RERE: variants seen among roughly 807,000 people sequenced by gnomAD.
RERE encodes the protein arginine-glutamic acid dipeptide repeats protein.
In RERE, 40 loss-of-function variants were observed where a neutral mutation model predicts 146.1. The observed-to-expected ratio is 0.27, with a 90% CI of 0.21 to 0.36. The LOEUF (loss-of-function observed/expected upper bound fraction) is 0.36, where lower values mean the gene tolerates loss of function less well. Among genes scored for constraint, RERE ranks in the 10% least tolerant of loss-of-function variants. The probability of loss-of-function intolerance (pLI) is 1.00; values close to 1 mark genes in which losing one functional copy is unlikely to be tolerated. For synonymous variants in RERE, 1,003 were observed against 866.0 expected (o/e 1.16, Z -2.78); for missense variants, 1,933 against 2,138.7 (o/e 0.90, Z 1.90).
intron 2 of RERE, among the ~76,000 whole-genome samples, chr1:8,628,883 A>G (rs1208980168): frequency 1.3e-5 from 2 of 152,198 alleles, no homozygotes; most frequent in Admixed American, 6.5e-5. Flanking sequence ...TTTAGTCAGT[A>G]GGATCAATGA....
At chr1:8,470,419 G>C (rs372708362) in intron 10 of RERE, among the ~76,000 whole-genome samples, 2 of 151,586 alleles carry the variant, frequency 1.3e-5, no homozygotes, top group African/African-American at 4.9e-5. Flanking sequence ...CCACCACCAC[G>C]CCCGGCTAAT....
intron 12 of RERE, among the ~76,000 whole-genome samples, chr1:8,407,514 T>C (rs1236335383): frequency 1.3e-5 from 2 of 152,140 alleles, no homozygotes; most frequent in Non-Finnish European, 2.9e-5. Flanking sequence ...TTGTCCCAGA[T>C]GCAAGCACTT....
intron 1 of RERE, among the ~76,000 whole-genome samples, chr1:8,813,372 G>GT (rs1641849497): frequency 6.6e-6 from 1 of 152,086 alleles, no homozygotes; most frequent in South Asian, 2.1e-4. Flanking sequence ...AAAGAACTTG[G>GT]TATGTCCAAC....
At chr1:8,575,335 C>T (rs1379742197) in intron 4 of RERE, among the ~76,000 whole-genome samples, 3 of 150,632 alleles carry the variant, frequency 2.0e-5, no homozygotes, top group African/African-American at 7.3e-5. Context: ...AGTCACAGGG[C>T]ACCTTTCCAT....
intron 8 of RERE, among the ~76,000 whole-genome samples, chr1:8,500,668 C>T (rs573802188): frequency 1.6e-4 from 24 of 152,246 alleles, no homozygotes; most frequent in African/African-American, 5.8e-4. Flanking sequence ...TGCCTGGCCG[C>T]CCATCGTCTG....
chr1:8,545,840 C>T (rs1175106178), intron 6 of RERE, among the ~76,000 whole-genome samples: 1 of 150,980 alleles, frequency 6.6e-6, no homozygotes, highest in Non-Finnish European at 1.5e-5. Flanking sequence ...CGTGCCACCA[C>T]ACCCGGCTAA....
chr1:8,761,585 C>G (rs547147096), intron 1 of RERE, among the ~76,000 whole-genome samples: 1 of 152,262 alleles, frequency 6.6e-6, no homozygotes, highest in South Asian at 2.1e-4. Flanking sequence ...ACAACGTCTC[C>G]CATCTGTCAT....
Position 8,358,417 on chromosome 1 carries a change from G to A in RERE, c.4118C>T (p.Pro1373Leu), listed in dbSNP as rs1364710409. The change falls in exon 20 of 23, where the codon CCC becomes CTC. Residue 1373 changes from proline (P) to leucine (L), a missense_variant. This residue lies in a region of RERE where 1,255 missense variants were observed against 1,153.8 expected (regional missense o/e 1.09). Coordinates refer to ENST00000400908, the MANE Select transcript of RERE (RefSeq NM_001042681.2). ...PFASFHPGLNPLERERLALAG... is the reference protein window; with the variant it reads ...PFASFHPGLNLLERERLALAG... The stretch of plus-strand genomic sequence containing the variant: ...CAGGGCCAGTCTCTCCCTCTCCAAG[G>A]GGTTCAGGCCCGGGTGGAAAGAAGC... The A allele has an allele frequency of 4.4e-6, 7 of 1,601,770 alleles. No individual in the cohort carries two copies. The Admixed American group carries it at 5.0e-5, about 12-fold the overall frequency.
chr1:8,708,905 GTTTTTTT>G (rs35403792), intron 1 of RERE, among the ~76,000 whole-genome samples: 17 of 72,322 alleles, frequency 2.4e-4, no homozygotes, highest in East Asian at 1.9e-3. Context: ...AAACTCTGGA[GTTTTTTT>G]TTTTTTTTTT....
chr1:8,584,116 A>C (rs1020293823), intron 4 of RERE, among the ~76,000 whole-genome samples: 3 of 152,192 alleles, frequency 2.0e-5, no homozygotes, highest in Admixed American at 6.5e-5. Context: ...AATAATTTCA[A>C]AAATTAAGAC....
intron 1 of RERE, among the ~76,000 whole-genome samples, chr1:8,763,834 G>A (rs1333502445): frequency 6.6e-6 from 1 of 151,520 alleles, no homozygotes; most frequent in Non-Finnish European, 1.5e-5. Context: ...CCAACTACTC[G>A]GGAGGCCGAG....
intron 11 of RERE, among the ~76,000 whole-genome samples, chr1:8,433,303 G>A (rs1644120361): frequency 6.6e-6 from 1 of 152,184 alleles, no homozygotes; most frequent in African/African-American, 2.4e-5. Context: ...AGAGACAAGA[G>A]GAGGACTCAA....
chr1:8,479,355 T>A (rs1570307590), intron 10 of RERE, among the ~76,000 whole-genome samples: 2 of 152,124 alleles, frequency 1.3e-5, no homozygotes, highest in South Asian at 2.1e-4. Context: ...AGTAATATTT[T>A]ATATAATAGT....
chr1:8,735,170 C>A (rs2124493516), intron 1 of RERE, among the ~76,000 whole-genome samples: 1 of 152,262 alleles, frequency 6.6e-6, no homozygotes, highest in Admixed American at 6.5e-5. Flanking sequence ...AATAAGAATT[C>A]AAACCTTAGC....
At chr1:8,763,858 T>C (rs551457059) in intron 1 of RERE, among the ~76,000 whole-genome samples, 1 of 151,298 alleles carries the variant, frequency 6.6e-6, no homozygotes, top group African/African-American at 2.4e-5. Context: ...GGAGAATCAC[T>C]TGAACCCAGA....
intron 11 of RERE, among the ~76,000 whole-genome samples, chr1:8,458,916 C>T (rs1469218645): frequency 1.3e-5 from 2 of 152,218 alleles, no homozygotes; most frequent in South Asian, 2.1e-4. Context: ...TAATAAAATG[C>T]TTGTCCTATT....
At position 8,360,654 on chromosome 1, in the gene RERE, G is replaced by C. The variant is rs780333990; in HGVS notation, c.2853C>G (p.Leu951=). 2.0e-6 allele frequency: 3 copies of C among 1,528,526 alleles called. No individual in the cohort carries two copies. Among genetic ancestry groups the C allele is most frequent in the South Asian group, 2.6e-5 (2 of 78,332 alleles). 94.7% of individuals were successfully genotyped at this position (1,528,526 alleles called of 1,614,324 possible). A position where few individuals can be genotyped will look rare whatever the true frequency, so the allele number is the denominator to read the frequency against. ...TCATGGAGAAGGGTGAGGGCCCCGA[G>C]AGGTGGGGAGGGTGCTTGTGGGCCT... ...APQAHKHPPH[L]SGPSPFSMNA... is the part of the protein sequence containing the mutation. The change falls in exon 18 of 23, where the codon CTC becomes CTG. Residue 951 remains leucine (L), a synonymous_variant. Transcript: ENST00000400908.
intron 4 of RERE, among the ~76,000 whole-genome samples, chr1:8,611,928 C>T (rs1464461407): frequency 1.3e-5 from 2 of 152,176 alleles, no homozygotes; most frequent in East Asian, 1.9e-4. Flanking sequence ...CTACTCCCTC[C>T]CCACCACTGA....
chr1:8,687,363 G>A (rs1442556237), intron 1 of RERE, among the ~76,000 whole-genome samples: 1 of 152,196 alleles, frequency 6.6e-6, no homozygotes, highest in African/African-American at 2.4e-5. Flanking sequence ...ATTTTCTCAT[G>A]CAAGTAGGAA....
Sources: allele counts gnomAD v4.1 joint callset (sites outside exome capture counted in the v4.1 genomes callset), GRCh38; gene constraint gnomAD v4.1.1; regional missense constraint gnomAD v4.1.1; transcripts MANE v1.5; gene names NCBI Gene and HGNC (gene_info 2026-07-23, HGNC 2026-07-21).